OPRM1: variants seen among roughly 807,000 people sequenced by gnomAD.
OPRM1 encodes opioid receptor mu 1.
OPRM1 carries 27 observed loss-of-function variants against 31.8 expected under a neutral mutation model. The observed-to-expected ratio is 0.85, with a 90% CI of 0.63 to 1.17. The LOEUF (loss-of-function observed/expected upper bound fraction) is 1.17. OPRM1 is among the 50% of genes most tolerant of loss of function. OPRM1 has a pLI of 0.00. For synonymous variants in OPRM1, 196 were observed against 189.9 expected (o/e 1.03, Z -0.26); for missense variants, 536 against 511.1 (o/e 1.05, Z -0.47).
In OPRM1 at chr6:154,130,168, T is replaced by C. The variant is rs1797811430; in HGVS notation, c.*11447T>C. Among the ~76,000 whole-genome samples the C allele has an allele frequency of 2.3e-5, 1 of 44,344 alleles. No homozygotes were observed. The highest frequency in any genetic ancestry group is 4.0e-5 in the Non-Finnish European group (1 of 25,186). The allele number at this position is 44,344 out of a possible 152,430, so 29.1% of individuals were successfully genotyped here. Reference sequence around the variant, plus strand: ...TCGATTTCATGGAAATGTTTAAATTTTCTTTTTTTTTTTTTTTTTTGATGG... The same window carrying C: ...TCGATTTCATGGAAATGTTTAAATTCTCTTTTTTTTTTTTTTTTTTGATGG... On this transcript the variant is annotated 3_prime_UTR_variant, in exon 4 of 4. Coordinates refer to ENST00000330432, the MANE Select transcript of OPRM1 (RefSeq NM_000914.5).
intron 1 of OPRM1, among the ~76,000 whole-genome samples, chr6:154,079,606 T>A (rs1035011563): frequency 5.3e-5 from 8 of 152,182 alleles, no homozygotes; most frequent in Non-Finnish European, 8.8e-5. Flanking sequence ...CTAAAGCAGA[T>A]AATTCAATGG....
At chr6:154,071,622 T>C (rs895125584) in intron 1 of OPRM1, among the ~76,000 whole-genome samples, 10 of 152,210 alleles carry the variant, frequency 6.6e-5, no homozygotes, top group Admixed American at 6.5e-4. Flanking sequence ...TTTCAGTTTA[T>C]ATTTGGTGAT....
At chr6:154,148,464 G>A (rs1200344735) in intron 3 of OPRM1, among the ~76,000 whole-genome samples, 1 of 152,188 alleles carries the variant, frequency 6.6e-6, no homozygotes, top group Non-Finnish European at 1.5e-5. Context: ...GGGGGCCATG[G>A]TGCCCCTCCA....
Position 154,118,760 on chromosome 6 carries a change from AG to A in OPRM1, c.*40del. ...CATTCCGACCTTCACCAAGCTTAGA[AG>A]CCACCATGTATGTGGAAGCAGGTTG... is the stretch of plus-strand genomic sequence containing the variant. On this transcript the variant is annotated 3_prime_UTR_variant, in exon 4 of 4. Transcript: ENST00000330432. 2 of 1,611,514 alleles carry A rather than the reference AG, an allele frequency of 1.2e-6. No individual in the cohort carries two copies. Among genetic ancestry groups the A allele is most frequent in the East Asian group, 4.5e-5 (2 of 44,862 alleles).
At chr6:154,070,365 G>T (rs7754773) in intron 1 of OPRM1, among the ~76,000 whole-genome samples, 2,554 of 152,308 alleles carry the variant, frequency 0.017, 77 homozygotes, top group African/African-American at 0.056. Context: ...ACAACAGACA[G>T]ACTATGCCAA....
At chr6:154,218,453 C>A (rs528860494) in intron 3 of OPRM1, among the ~76,000 whole-genome samples, 13 of 152,286 alleles carry the variant, frequency 8.5e-5, no homozygotes, top group Admixed American at 2.6e-4. Context: ...ATGTCACTAT[C>A]CAGAAATGCA....
chr6:154,040,099 G>C (rs371656236), intron 1 of OPRM1, among the ~76,000 whole-genome samples: 7 of 152,080 alleles, frequency 4.6e-5, no homozygotes, highest in Non-Finnish European at 8.8e-5. Context: ...GTCTAGGGGT[G>C]GGGGGCGGAG....
Position 154,118,935 on chromosome 6 carries a change from A to C in OPRM1, c.*214A>C. ...ATTTGGAAGGAAAGGAATATACCAC[A>C]CCGAGGAGTCCAGTTTGTGCAAGAC... On this transcript the variant is annotated 3_prime_UTR_variant, in exon 4 of 4. Transcript: ENST00000330432. 7.6e-7 allele frequency: 1 copy of C among 1,316,566 alleles called. No homozygotes were observed. Among genetic ancestry groups the C allele is most frequent in the Non-Finnish European group, 9.7e-7 (1 of 1,034,516 alleles). 81.6% of individuals were successfully genotyped at this position (1,316,566 alleles called of 1,614,324 possible).
At chr6:154,088,009 A>G (rs1428669408) in intron 1 of OPRM1, among the ~76,000 whole-genome samples, 1 of 152,170 alleles carries the variant, frequency 6.6e-6, no homozygotes, top group African/African-American at 2.4e-5. Flanking sequence ...AAAGACTTGC[A>G]CATGAATGTT....
rs201148174 is a variant in OPRM1, at chr6:154,159,993, C to T, written c.1164+68521C>T. ...CTCTGTATTTCCTGGCTGTCAGCTT[C>T]GGGTCATCCAGCAACTGGTTAATCA... On this transcript the variant is annotated intron_variant, in intron 3 of 3. Coordinates refer to the OPRM1 transcript ENST00000337049. 1.7e-4 allele frequency: 276 copies of T among 1,612,472 alleles called. 1 individual carries two copies. The highest frequency in any genetic ancestry group is 7.8e-4 in the Middle Eastern group (4 of 5,160).
chr6:154,172,478 G>A (rs549250638), intron 3 of OPRM1, among the ~76,000 whole-genome samples: 1 of 152,330 alleles, frequency 6.6e-6, no homozygotes, highest in South Asian at 2.1e-4. Flanking sequence ...CAGCAGACCA[G>A]GAGATTCCCT....
intron 1 of OPRM1, among the ~76,000 whole-genome samples, chr6:154,046,323 C>G (rs1054818347): frequency 7.9e-5 from 12 of 152,064 alleles, no homozygotes; most frequent in African/African-American, 2.9e-4. Flanking sequence ...GAGTGGGCAC[C>G]AGTCATGTCC....
chr6:154,063,634 A>G (rs926948106), intron 1 of OPRM1, among the ~76,000 whole-genome samples: 123 of 152,004 alleles, frequency 8.1e-4, no homozygotes, highest in African/African-American at 2.8e-3. Context: ...CTCTATACCC[A>G]TTAAACAATA....
rs921968267 is a variant in OPRM1, at chr6:154,100,873, T to C, written c.1164+9401T>C. On this transcript the variant is annotated intron_variant, in intron 3 of 3. Transcript: ENST00000330432. ...TTAAAAAATATATATTTAGGAGATT[T>C]TATAAATATAAATATATATGTATAT... 1.6e-4 allele frequency among the ~76,000 whole-genome samples: 24 copies of C among 148,886 alleles called. 1 individual carries two copies. The highest frequency in any genetic ancestry group is 1.3e-3 in the Admixed American group (19 of 14,832).
chr6:154,044,681 A>C (rs1469562298), intron 1 of OPRM1, among the ~76,000 whole-genome samples: 1 of 152,226 alleles, frequency 6.6e-6, no homozygotes, highest in Non-Finnish European at 1.5e-5. Context: ...ATAAAGCATA[A>C]TTTCTCTACT....
chr6:154,179,680 G>C (rs1177280791), intron 3 of OPRM1, among the ~76,000 whole-genome samples: 1 of 152,182 alleles, frequency 6.6e-6, no homozygotes, highest in Non-Finnish European at 1.5e-5. Flanking sequence ...CAAGTGTTTT[G>C]TCAAGGAAGA....
At chr6:154,060,473 A>C (rs1029675063) in intron 1 of OPRM1, among the ~76,000 whole-genome samples, 1 of 152,244 alleles carries the variant, frequency 6.6e-6, no homozygotes, top group Non-Finnish European at 1.5e-5. Context: ...AACCTAGTCC[A>C]TTCAACTCCC....
chr6:154,025,894 T>C (rs976116628), intron 1 of OPRM1, among the ~76,000 whole-genome samples: 7 of 152,186 alleles, frequency 4.6e-5, no homozygotes, highest in Non-Finnish European at 8.8e-5. Context: ...GTACTGCTTA[T>C]GTCTTGAAAA....
In OPRM1 at chr6:154,032,691, C is replaced by G. The variant is rs74403006; in HGVS notation, c.1-6470C>G. ...TCAAGTAATCCTCCCACCTCTGACT[C>G]TCAAATGCTGGGATTCAGGCATGAG... On this transcript the variant is annotated intron_variant, in intron 1 of 5. Coordinates refer to the OPRM1 transcript ENST00000434900. Among the ~76,000 whole-genome samples the G allele has an allele frequency of 7.1e-3, 1,085 of 152,316 alleles. 16 individuals are homozygous for G. The highest frequency in any genetic ancestry group is 0.025 in the African/African-American group (1,034 of 41,552).
Sources: allele counts gnomAD v4.1 joint callset (sites outside exome capture counted in the v4.1 genomes callset), GRCh38; gene constraint gnomAD v4.1.1; transcripts MANE v1.5; gene names NCBI Gene and HGNC (gene_info 2026-07-23, HGNC 2026-07-21).